MAP3K4: variants seen among roughly 807,000 people sequenced by gnomAD.
The protein encoded by MAP3K4 is MAP three kinase 1.
In MAP3K4, 67 loss-of-function variants were observed where a neutral mutation model predicts 185.6. That is an observed-to-expected ratio of 0.36 (90% CI 0.30 to 0.44). MAP3K4 has a LOEUF of 0.44. Among genes scored for constraint, MAP3K4 ranks in the 20% least tolerant of loss-of-function variants. The probability of loss-of-function intolerance (pLI) is 1.00; values close to 1 mark genes in which losing one functional copy is unlikely to be tolerated. For missense variants in MAP3K4, 1,551 were observed against 1,995.1 expected (o/e 0.78, Z 4.24); for synonymous variants, 702 against 710.4 (o/e 0.99, Z 0.19).
chr6:161,066,012 T>C (rs1436502122), intron 3 of MAP3K4, among the ~76,000 whole-genome samples: 1 of 151,896 alleles, frequency 6.6e-6, no homozygotes, highest in Non-Finnish European at 1.5e-5. Context: ...ATGTCAGTGC[T>C]CAAAAAGTTT....
At position 161,091,257 on chromosome 6, in the gene MAP3K4, A is replaced by G. The variant is rs1233861582; in HGVS notation, c.2974-122A>G. ...TCTATATTTGGTAATTCCTTTACCA[A>G]GTGGCTGAATTGTTTGTAGTGGTTA... On this transcript the variant is annotated intron_variant, in intron 11 of 26. Transcript: ENST00000392142. The surrounding 1 kb of genome is among the most constrained non-coding windows in gnomAD (Gnocchi z 5.5). The G allele has an allele frequency of 3.0e-6, 2 of 664,688 alleles. No individual in the cohort carries two copies. Among genetic ancestry groups the G allele is most frequent in the Non-Finnish European group, 2.4e-6 (1 of 409,966 alleles). 41.2% of individuals were successfully genotyped at this position (664,688 alleles called of 1,614,324 possible).
rs1778379516 is a variant in MAP3K4 at position 161,112,117 on chromosome 6, C to G, written c.4519+159C>G. The stretch of plus-strand genomic sequence containing the variant: ...TTCCTCACACACTTGGGCTCCCACG[C>G]AAGAGCAGCTGTCACATTGGTGAAT... On this transcript the variant is annotated intron_variant, in intron 24 of 26. Coordinates refer to ENST00000392142, the MANE Select transcript of MAP3K4 (RefSeq NM_005922.4). The surrounding 1 kb of genome is among the most constrained non-coding windows in gnomAD (Gnocchi z 5.1). 6.6e-6 allele frequency among the ~76,000 whole-genome samples: 1 copy of G among 152,184 alleles called. No individual in the cohort carries two copies.
Position 161,117,167 on chromosome 6 carries a change from C to T in MAP3K4, c.*297C>T, listed in dbSNP as rs568206691. Reference sequence around the variant, plus strand: ...GCGCGACTGAGAACCGTGACATCAGCGTAGTGTTTTGACCTTTCTAGGTTC... The same window carrying T: ...GCGCGACTGAGAACCGTGACATCAGTGTAGTGTTTTGACCTTTCTAGGTTC... On this transcript the variant is annotated 3_prime_UTR_variant, in exon 27 of 27. Transcript: ENST00000392142. 15 of 370,654 alleles carry T rather than the reference C, an allele frequency of 4.0e-5. No individual in the cohort carries two copies. Among genetic ancestry groups the T allele is most frequent in the African/African-American group, 1.7e-4 (8 of 48,104 alleles). 23.0% of individuals were successfully genotyped at this position (370,654 alleles called of 1,614,324 possible).
At chr6:161,052,063 C>G (rs1473815153) in intron 3 of MAP3K4, among the ~76,000 whole-genome samples, 1 of 152,136 alleles carries the variant, frequency 6.6e-6, no homozygotes, top group African/African-American at 2.4e-5. Flanking sequence ...AACCTCACCT[C>G]TAATTCAGTG....
intron 1 of MAP3K4, among the ~76,000 whole-genome samples, chr6:161,025,263 A>G (rs1042807396): frequency 6.6e-6 from 1 of 152,186 alleles, no homozygotes; most frequent in Non-Finnish European, 1.5e-5. Context: ...TAGTCCCACA[A>G]TCAGCCATTT....
rs1784016905 is a variant in MAP3K4, at chr6:161,051,859, A to G, written c.1707+1880A>G. On this transcript the variant is annotated intron_variant, in intron 3 of 26. Transcript: ENST00000392142. This position sits in a 1 kb window ranked among gnomAD's most constrained non-coding sequence, Gnocchi z 4.2. ...TATCTTTTTTGTTTGTATTATTACTATTACTGTTTTAGAGACAAGATCTCA... is the reference window on the plus strand; with the variant it reads ...TATCTTTTTTGTTTGTATTATTACTGTTACTGTTTTAGAGACAAGATCTCA... Among the ~76,000 whole-genome samples the G allele has an allele frequency of 6.6e-6, 1 of 152,166 alleles. No individual in the cohort carries two copies. Among genetic ancestry groups the G allele is most frequent in the Admixed American group, 6.5e-5 (1 of 15,270 alleles).
chr6:161,046,442 G>T (rs932648704), intron 2 of MAP3K4, among the ~76,000 whole-genome samples: 1 of 151,508 alleles, frequency 6.6e-6, no homozygotes, highest in South Asian at 2.1e-4. Flanking sequence ...TTTCTTAAAT[G>T]GACTATATGA....
chr6:161,065,004 T>TA (rs1784644854), intron 3 of MAP3K4, among the ~76,000 whole-genome samples: 1 of 152,148 alleles, frequency 6.6e-6, no homozygotes. Flanking sequence ...GTCACGCTGT[T>TA]ACAGAGGTAG....
In MAP3K4 at chr6:161,037,306, G is replaced by C. The variant is rs1783214490; in HGVS notation, c.343+2857G>C. On this transcript the variant is annotated intron_variant, in intron 2 of 26. Coordinates refer to ENST00000392142, the MANE Select transcript of MAP3K4 (RefSeq NM_005922.4). This position sits in a 1 kb window ranked among gnomAD's most constrained non-coding sequence, Gnocchi z 4.2. Reference sequence around the variant, plus strand: ...TCCAGTCCTGGTTCCGCTATCTTCTGCGTATGCAGCCTCCATATCTCGTTT... The same window carrying C: ...TCCAGTCCTGGTTCCGCTATCTTCTCCGTATGCAGCCTCCATATCTCGTTT... Among the ~76,000 whole-genome samples, 1 of 152,126 alleles carries C rather than the reference G, an allele frequency of 6.6e-6. No individual in the cohort carries two copies. Among genetic ancestry groups the C allele is most frequent in the South Asian group, 2.1e-4 (1 of 4,816 alleles).
At chr6:161,072,411 C>T (rs1404036387) in intron 4 of MAP3K4, among the ~76,000 whole-genome samples, 2 of 152,122 alleles carry the variant, frequency 1.3e-5, no homozygotes, top group Non-Finnish European at 2.9e-5. Flanking sequence ...TAACTTCCTA[C>T]ACATACAAGT....
rs1156655913 is a variant in MAP3K4, at chr6:161,007,568, A to G, written c.152+15485A>G. Among the ~76,000 whole-genome samples, 1 of 152,180 alleles carries G rather than the reference A, an allele frequency of 6.6e-6. No individual in the cohort carries two copies. Among genetic ancestry groups the G allele is most frequent in the Non-Finnish European group, 1.5e-5 (1 of 68,036 alleles). On this transcript the variant is annotated intron_variant, in intron 1 of 26. Coordinates refer to ENST00000392142, the MANE Select transcript of MAP3K4 (RefSeq NM_005922.4). This position sits in a 1 kb window ranked among gnomAD's most constrained non-coding sequence, Gnocchi z 4.5. ...CCCAACTCATTCTGTCCTTTATAAC[A>G]TAGAATATTTTCATTTGTATTAAAT... is the stretch of plus-strand genomic sequence containing the variant.
At chr6:161,104,709 CAAAAA>C (rs10688556) in intron 19 of MAP3K4, among the ~76,000 whole-genome samples, 194 of 121,602 alleles carry the variant, frequency 1.6e-3, no homozygotes, top group Admixed American at 3.9e-3. Flanking sequence ...GACTCCATCT[CAAAAA>C]AAAAAAAAAA....
At chr6:160,998,154 G>A (rs903979674) in intron 1 of MAP3K4, among the ~76,000 whole-genome samples, 9 of 152,074 alleles carry the variant, frequency 5.9e-5, no homozygotes, top group Admixed American at 5.2e-4. Flanking sequence ...CTACAGGTGC[G>A]CACCACCACA....
Position 161,073,564 on chromosome 6 carries a change from C to T in MAP3K4, c.2049C>T (p.Pro683=), listed in dbSNP as rs769867593. The change falls in exon 5 of 27, where the codon CCC becomes CCT. Residue 683 remains proline, a synonymous_variant. Coordinates refer to ENST00000392142, the MANE Select transcript of MAP3K4 (RefSeq NM_005922.4). The surrounding 1 kb of genome is among the most constrained non-coding windows in gnomAD (Gnocchi z 4.2). ...AGGTTCTGGAGGACTTGGAGAAGCC[C>T]GACTGCAACATTGACGCTTTTGAAG... ...LQEVLEDLEK[P]DCNIDAFEED... 40 of 1,613,794 alleles carry T rather than the reference C, an allele frequency of 2.5e-5. No individual in the cohort carries two copies. The highest frequency in any genetic ancestry group is 3.3e-5 in the South Asian group (3 of 91,054).
rs755329057 is a variant in MAP3K4 at position 161,109,320 on chromosome 6, G to A, written c.4237-435G>A. ...GTCGAGGGAAAGAGGATAACTTGGA[G>A]CATCGTGGTGTAGAGCATGAGCTTC... On this transcript the variant is annotated intron_variant, in intron 22 of 26. Coordinates refer to ENST00000392142, the MANE Select transcript of MAP3K4 (RefSeq NM_005922.4). The surrounding 1 kb of genome is among the most constrained non-coding windows in gnomAD (Gnocchi z 5.7). 6.6e-5 allele frequency among the ~76,000 whole-genome samples: 10 copies of A among 152,182 alleles called. No homozygotes were observed. Among genetic ancestry groups the A allele is most frequent in the Non-Finnish European group, 1.3e-4 (9 of 68,038 alleles).
rs1778127399 is a variant in MAP3K4, at chr6:161,107,278, G to T, written c.4048+573G>T. Among the ~76,000 whole-genome samples, 1 of 152,164 alleles carries T rather than the reference G, an allele frequency of 6.6e-6. No homozygotes were observed. Among genetic ancestry groups the T allele is most frequent in the South Asian group, 2.1e-4 (1 of 4,822 alleles). ...TATCTGTCACACATCTAGGTCTGAAGGGGGCGAACACAGTTGTATGAATAA... is the reference window on the plus strand; with the variant it reads ...TATCTGTCACACATCTAGGTCTGAATGGGGCGAACACAGTTGTATGAATAA... On this transcript the variant is annotated intron_variant, in intron 20 of 26. Transcript: ENST00000392142. This position sits in a 1 kb window ranked among gnomAD's most constrained non-coding sequence, Gnocchi z 6.2.
At position 161,048,639 on chromosome 6, in the gene MAP3K4, C is replaced by T. The variant is rs777531829; in HGVS notation, c.367C>T (p.Pro123Ser). 6 of 1,591,652 alleles carry T rather than the reference C, an allele frequency of 3.8e-6. No homozygotes were observed. The African/African-American group carries it at 8.2e-5, about 22-fold the overall frequency. The change falls in exon 3 of 27, where the codon CCT becomes TCT. Residue 123 changes from proline (P) to serine (S), a missense_variant. Pro to Ser is a moderately conservative substitution (Grantham distance 74). Transcript: ENST00000392142. This position sits in a 1 kb window ranked among gnomAD's most constrained non-coding sequence, Gnocchi z 4.7. ...LKEKMNAPNQ[P>S]PHKDTGKTVE... ...AGAAAAAATGAATGCACCAAATCAG[C>T]CTCCACATAAAGACACTGGAAAAAC...
At position 161,068,740 on chromosome 6, in the gene MAP3K4, G is replaced by A. The variant is rs760510730; in HGVS notation, c.1708-1868G>A. Among the ~76,000 whole-genome samples, 7 of 152,308 alleles carry A rather than the reference G, an allele frequency of 4.6e-5. No homozygotes were observed. In the South Asian group the frequency reaches 8.3e-4, roughly 18 times the overall value. On this transcript the variant is annotated intron_variant, in intron 3 of 26. Transcript: ENST00000392142. ...GTAGAACTGATAAAGCATGTTAAAC[G>A]TCTGCATGTATGGTTCAAGGAAAGA...
chr6:161,080,844 A>C lies in MAP3K4; in HGVS notation c.2098-37A>C. The C allele has an allele frequency of 6.2e-7, 1 of 1,601,482 alleles. No homozygotes were observed. Among genetic ancestry groups the C allele is most frequent in the Non-Finnish European group, 8.5e-7 (1 of 1,171,348 alleles). On this transcript the variant is annotated intron_variant, in intron 5 of 26. Coordinates refer to ENST00000392142, the MANE Select transcript of MAP3K4 (RefSeq NM_005922.4). The surrounding 1 kb of genome is among the most constrained non-coding windows in gnomAD (Gnocchi z 4.8). The stretch of plus-strand genomic sequence containing the variant: ...TGAGAGCGCTGAGTTGCCAAGTTCT[A>C]CTTTCAAATGTCTCCCTTTACTTTT...
Sources: allele counts gnomAD v4.1 joint callset (sites outside exome capture counted in the v4.1 genomes callset), GRCh38; gene constraint gnomAD v4.1.1; non-coding constraint Gnocchi (gnomAD v3.1); transcripts MANE v1.5; gene names NCBI Gene and HGNC (gene_info 2026-07-23, HGNC 2026-07-21).